The following DRC11 variants were observed in gnomAD, a reference collection of about 807,000 sequenced individuals.
DRC11 encodes IQ and AAA domain-containing protein 1.
At chr2:236,358,334 GATAT>G in the DRC11 span, among the ~76,000 whole-genome samples, 2 of 126,824 alleles carry the variant, frequency 1.6e-5, no homozygotes, top group Middle Eastern at 4.1e-3. Flanking sequence ...GAATATATAT[GATAT>G]ATAGATATAT....
At chr2:236,325,860 C>G in the DRC11 span, among the ~76,000 whole-genome samples, 1 of 152,228 alleles carries the variant, frequency 6.6e-6, no homozygotes, top group Non-Finnish European at 1.5e-5. The surrounding 1 kb of genome is among the most constrained non-coding windows in gnomAD (Gnocchi z 4.4). Context: ...GTCTCGGCCT[C>G]CCCAAGGGTA....
At chr2:236,368,227 G>T in the DRC11 span, 1 of 1,611,018 alleles carries the variant, frequency 6.2e-7, no homozygotes, top group Non-Finnish European at 8.5e-7. Context: ...GTGATGAGCT[G>T]TCTGACATCC....
At chr2:236,457,920 T>C in the DRC11 span, among the ~76,000 whole-genome samples, 1 of 152,248 alleles carries the variant, frequency 6.6e-6, no homozygotes, top group Admixed American at 6.5e-5. This position sits in a 1 kb window ranked among gnomAD's most constrained non-coding sequence, Gnocchi z 4.7. Flanking sequence ...TGGTGTCATT[T>C]GTTACAATTC....
chr2:236,359,168 T>G, the DRC11 span, among the ~76,000 whole-genome samples: 2 of 151,468 alleles, frequency 1.3e-5, no homozygotes, highest in African/African-American at 4.9e-5. This position sits in a 1 kb window ranked among gnomAD's most constrained non-coding sequence, Gnocchi z 4.3. Context: ...CCCCTGGAGG[T>G]TTTTAGGTTC....
the DRC11 span, among the ~76,000 whole-genome samples, chr2:236,472,064 CTAGATTGCAAAAT>C: frequency 6.6e-6 from 1 of 152,200 alleles, no homozygotes; most frequent in Non-Finnish European, 1.5e-5. This position sits in a 1 kb window ranked among gnomAD's most constrained non-coding sequence, Gnocchi z 4.6. Flanking sequence ...TCCCAAGTAA[CTAGATTGCAAAAT>C]CCCACGTAAT....
chr2:236,393,549 A>G, the DRC11 span, among the ~76,000 whole-genome samples: 1 of 152,186 alleles, frequency 6.6e-6, no homozygotes, highest in Non-Finnish European at 1.5e-5. The surrounding 1 kb of genome is among the most constrained non-coding windows in gnomAD (Gnocchi z 4.7). Context: ...GTGAAGACCT[A>G]GCATAGAGAC....
chr2:236,482,059 A>ATGTATAATTCTACATATTATG, the DRC11 span, among the ~76,000 whole-genome samples: 2 of 149,668 alleles, frequency 1.3e-5, no homozygotes, highest in Admixed American at 6.7e-5. The surrounding 1 kb of genome is among the most constrained non-coding windows in gnomAD (Gnocchi z 4.5). Context: ...TACATATTAT[A>ATGTATAATTCTACATATTATG]TGTATAATTC....
At chr2:236,363,699 C>T in the DRC11 span, 1 of 1,083,162 alleles carries the variant, frequency 9.2e-7, no homozygotes. The surrounding 1 kb of genome is among the most constrained non-coding windows in gnomAD (Gnocchi z 5.6). Flanking sequence ...TGCTTGTCTG[C>T]CAATGGAAAT....
At chr2:236,461,181 G>C in the DRC11 span, among the ~76,000 whole-genome samples, 1 of 152,132 alleles carries the variant, frequency 6.6e-6, no homozygotes, top group Admixed American at 6.5e-5. This position sits in a 1 kb window ranked among gnomAD's most constrained non-coding sequence, Gnocchi z 4.0. Flanking sequence ...TAATAAATTA[G>C]ATTTTACCCT....
chr2:236,487,997 C>A, the DRC11 span: 1 of 1,568,758 alleles, frequency 6.4e-7, no homozygotes, highest in Non-Finnish European at 8.6e-7. Context: ...CCTAGGTTTG[C>A]ACCTTCTGAA....
chr2:236,327,683 A>C, the DRC11 span, among the ~76,000 whole-genome samples: 10 of 150,996 alleles, frequency 6.6e-5, no homozygotes, highest in African/African-American at 2.4e-4. Flanking sequence ...TCACTGAGTT[A>C]TTTATTTATT....
At chr2:236,450,034 G>A in the DRC11 span, among the ~76,000 whole-genome samples, 2 of 152,174 alleles carry the variant, frequency 1.3e-5, no homozygotes, top group Admixed American at 1.3e-4. Flanking sequence ...GAGGGAGGAA[G>A]ACTGCTAATT....
chr2:236,465,561 G>A, the DRC11 span: 353 of 1,613,904 alleles, frequency 2.2e-4, 3 homozygotes, highest in East Asian at 4.8e-3. The surrounding 1 kb of genome is among the most constrained non-coding windows in gnomAD (Gnocchi z 6.2). Context: ...TGATATCCAC[G>A]CCTTCTATCA....
the DRC11 span, among the ~76,000 whole-genome samples, chr2:236,441,781 A>G: frequency 6.6e-6 from 1 of 152,202 alleles, no homozygotes; most frequent in African/African-American, 2.4e-5. Flanking sequence ...ACAGAAGTAC[A>G]GAATCTGAGG....
the DRC11 span, among the ~76,000 whole-genome samples, chr2:236,321,480 C>G: frequency 6.6e-6 from 1 of 152,074 alleles, no homozygotes; most frequent in African/African-American, 2.4e-5. Context: ...TATATCTAAG[C>G]GTATCTACAC....
chr2:236,370,081 G>C, the DRC11 span, among the ~76,000 whole-genome samples: 2 of 152,216 alleles, frequency 1.3e-5, no homozygotes, highest in African/African-American at 4.8e-5. This position sits in a 1 kb window ranked among gnomAD's most constrained non-coding sequence, Gnocchi z 5.5. Flanking sequence ...GAGGTCATTA[G>C]AGTGGACCCT....
At chr2:236,392,364 G>T in the DRC11 span, 6 of 1,445,196 alleles carry the variant, frequency 4.2e-6, no homozygotes, top group African/African-American at 2.9e-5. The surrounding 1 kb of genome is among the most constrained non-coding windows in gnomAD (Gnocchi z 5.1). Context: ...CACTCCAGAA[G>T]GGTAAAGAAA....
chr2:236,494,438 G>A, the DRC11 span, among the ~76,000 whole-genome samples: 1 of 151,978 alleles, frequency 6.6e-6, no homozygotes, highest in African/African-American at 2.4e-5. The surrounding 1 kb of genome is among the most constrained non-coding windows in gnomAD (Gnocchi z 4.2). Flanking sequence ...TCCTTCATTT[G>A]TGCATGTTAC....
chr2:236,331,657 T>C, the DRC11 span: 1 of 1,279,464 alleles, frequency 7.8e-7, no homozygotes, highest in Non-Finnish European at 1.1e-6. The surrounding 1 kb of genome is among the most constrained non-coding windows in gnomAD (Gnocchi z 4.8). Context: ...CAGTGCCAGT[T>C]TCCCTCTCGG....
Sources: allele counts gnomAD v4.1 joint callset (sites outside exome capture counted in the v4.1 genomes callset), GRCh38; gene constraint gnomAD v4.1.1; non-coding constraint Gnocchi (gnomAD v3.1); transcripts MANE v1.5; gene names NCBI Gene and HGNC (gene_info 2026-07-23, HGNC 2026-07-21).